ZFAND5: variants seen among roughly 807,000 people sequenced by gnomAD.
ZFAND5 encodes the protein zinc finger AN1-type containing 5.
Under a neutral mutation model 23.6 loss-of-function variants are expected in ZFAND5, and 4 were observed. The observed-to-expected ratio is 0.17, with a 90% CI of 0.08 to 0.39. The LOEUF (loss-of-function observed/expected upper bound fraction) is 0.39. Ranked by LOEUF, ZFAND5 falls within the 10% of genes least tolerant of loss-of-function variation. ZFAND5 has a pLI of 1.00. For synonymous variants in ZFAND5, 68 were observed against 80.6 expected (o/e 0.84, Z 0.84); for missense variants, 161 against 253.7 (o/e 0.63, Z 2.48).
rs1484729659 is a variant in ZFAND5, at chr9:72,364,621, C to T, written c.-147+75G>A. On this transcript the variant is annotated intron_variant, in intron 1 of 6. Transcript: ENST00000376962. ...CCGGCTTCGCCATTGGCCCGCGGCG[C>T]CCCGGTCCCTTCACTCCCGCCCCCG... 12 of 1,194,600 alleles carry T rather than the reference C, an allele frequency of 1.0e-5. No individual in the cohort carries two copies. In the African/African-American group the frequency reaches 1.0e-4, roughly 10 times the overall value. 74.0% of individuals were successfully genotyped at this position (1,194,600 alleles called of 1,614,324 possible). A position where few individuals can be genotyped will look rare whatever the true frequency, so the allele number is the denominator to read the frequency against.
In ZFAND5 at chr9:72,359,513, G is replaced by T. The variant is rs1182630382; in HGVS notation, c.272C>A (p.Pro91His). 1 of 1,613,426 alleles carries T rather than the reference G, an allele frequency of 6.2e-7. No homozygotes were observed. The highest frequency in any genetic ancestry group is 1.3e-5 in the African/African-American group (1 of 74,998). ...GSTSEKSRNV[P>H]VAALPVTQQM... is the part of the protein sequence containing the mutation. ...CTGAGTTACAGGCAAGGCAGCCACA[G>T]GCACATTTCTATTTGAGTTCAAGCA... Residue 91 changes from proline to histidine, a missense_variant, in exon 5 of 7, where the codon CCT becomes CAT. Physicochemically the swap from Pro to His is moderately conservative, Grantham distance 77. Coordinates refer to ENST00000376962, the MANE Select transcript of ZFAND5 (RefSeq NM_001102420.3).
At chr9:72,362,590 T>C (rs886488314) in intron 2 of ZFAND5, among the ~76,000 whole-genome samples, 1 of 152,224 alleles carries the variant, frequency 6.6e-6, no homozygotes, top group South Asian at 2.1e-4. Context: ...TTTCACACAC[T>C]CAGAGATAAC....
At chr9:72,364,358 CT>C in intron 1 of ZFAND5, 1 of 1,141,698 alleles carries the variant, frequency 8.8e-7, no homozygotes, top group Non-Finnish European at 1.1e-6. Flanking sequence ...GCCTCGGCCT[CT>C]TTGTTTCTCT....
At chr9:72,364,437 G>A (rs369018336) in intron 1 of ZFAND5, 3 of 1,266,738 alleles carry the variant, frequency 2.4e-6, no homozygotes, top group African/African-American at 1.6e-5. Context: ...CCGCAGAGGC[G>A]GCACGCCGTG....
chr9:72,364,419 G>A (rs778644548), intron 1 of ZFAND5: 3 of 1,254,830 alleles, frequency 2.4e-6, no homozygotes, highest in South Asian at 1.3e-5. Flanking sequence ...GCGGCCTAGA[G>A]GCCGGCCCCG....
At chr9:72,359,279 ATAG>A (rs1227098240) in intron 5 of ZFAND5, 136 bp downstream of exon 5, 4 of 698,212 alleles carry the variant, frequency 5.7e-6, no homozygotes, top group Non-Finnish European at 7.1e-6. Context: ...ACTTTTAAAG[ATAG>A]TAGTTCTTTG....
At position 72,354,767 on chromosome 9, in the gene ZFAND5, C is replaced by T. The variant is rs1841889799; in HGVS notation, c.*1186G>A. The T allele has an allele frequency of 6.6e-6, 1 of 152,580 alleles. No homozygotes were observed. The highest frequency in any genetic ancestry group is 1.5e-5 in the Non-Finnish European group (1 of 68,024). The allele number at this position is 152,580 out of a possible 1,614,324, so 9.5% of individuals were successfully genotyped here. Reference sequence around the variant, plus strand: ...TATAAAAAACACAAGTTTCATACATCACAAAAAACCTTCCATTATAACACA... The same window carrying T: ...TATAAAAAACACAAGTTTCATACATTACAAAAAACCTTCCATTATAACACA... On this transcript the variant is annotated 3_prime_UTR_variant, in exon 7 of 7. Coordinates refer to ENST00000376962, the MANE Select transcript of ZFAND5 (RefSeq NM_001102420.3).
intron 1 of ZFAND5, chr9:72,364,348 G>C: frequency 1.8e-6 from 2 of 1,114,494 alleles, no homozygotes; most frequent in Non-Finnish European, 2.2e-6. Flanking sequence ...CGCGGCCGCC[G>C]CCTCGGCCTC....
intron 5 of ZFAND5, among the ~76,000 whole-genome samples, chr9:72,358,334 T>A (rs2131977448): frequency 6.6e-6 from 1 of 152,118 alleles, no homozygotes; most frequent in African/African-American, 2.4e-5. Flanking sequence ...GTCAGCCATT[T>A]CTTTGGCCAC....
chr9:72,360,843 A>G (rs1842075350), intron 2 of ZFAND5, 56 bp from the exon 3 acceptor site: 1 of 1,507,120 alleles, frequency 6.6e-7, no homozygotes, highest in South Asian at 1.3e-5. Context: ...ATAGTCTAAT[A>G]TAATCATCGG....
intron 2 of ZFAND5, among the ~76,000 whole-genome samples, chr9:72,362,231 G>C (rs934989755): frequency 9.2e-5 from 14 of 152,196 alleles, no homozygotes; most frequent in African/African-American, 3.4e-4. Flanking sequence ...GAGCAGGGTA[G>C]TGTAAACATT....
intron 6 of ZFAND5, among the ~76,000 whole-genome samples, 192 bp from the exon 7 acceptor site, chr9:72,356,293 G>A (rs1360007849): frequency 6.6e-6 from 1 of 152,186 alleles, no homozygotes; most frequent in East Asian, 1.9e-4. Context: ...ACCTGGAAAA[G>A]GAACTTTTAA....
At chr9:72,360,007 G>C in intron 4 of ZFAND5, 103 bp downstream of exon 4, 1 of 939,088 alleles carries the variant, frequency 1.1e-6, no homozygotes, top group Non-Finnish European at 1.6e-6. Context: ...TGAAATCCTC[G>C]ATTGCAAAGC....
Position 72,360,091 on chromosome 9 carries a change from C to CT in ZFAND5, c.263+18dup. 2 of 1,596,230 alleles carry CT rather than the reference C, an allele frequency of 1.3e-6. No homozygotes were observed. Among genetic ancestry groups the CT allele is most frequent in the Middle Eastern group, 2.2e-4 (1 of 4,520 alleles). The stretch of plus-strand genomic sequence containing the variant: ...TCTTCTTTGTAATATCATAAAAACT[C>CT]TGAAACGTTCAATCTTACCTTGATT... On this transcript the variant is annotated intron_variant, in intron 4 of 6. Transcript: ENST00000376962.
chr9:72,361,839 A>G (rs1400881274), intron 2 of ZFAND5, among the ~76,000 whole-genome samples: 1 of 152,262 alleles, frequency 6.6e-6, no homozygotes, highest in African/African-American at 2.4e-5. Context: ...ATGTATAAGC[A>G]TATGTACAAA....
intron 5 of ZFAND5, among the ~76,000 whole-genome samples, chr9:72,357,490 T>C (rs1209589948): frequency 2.0e-5 from 3 of 152,136 alleles, no homozygotes; most frequent in Non-Finnish European, 4.4e-5. Context: ...TTTGATTTTA[T>C]GCTTATAGGA....
chr9:72,356,864 G>C (rs1438868192), intron 6 of ZFAND5, 67 bp downstream of exon 6: 2 of 1,585,470 alleles, frequency 1.3e-6, no homozygotes, highest in East Asian at 2.2e-5. Context: ...TAGTCTCTTA[G>C]GGAGTGACCA....
rs1356970137 is a variant in ZFAND5 at position 72,353,363 on chromosome 9, A to G, written c.*2590T>C. The G allele has an allele frequency of 1.3e-5, 2 of 151,622 alleles. No homozygotes were observed. Among genetic ancestry groups the G allele is most frequent in the African/African-American group, 4.8e-5 (2 of 41,328 alleles). 9.4% of individuals were successfully genotyped at this position (151,622 alleles called of 1,614,324 possible). A position where few individuals can be genotyped will look rare whatever the true frequency, so the allele number is the denominator to read the frequency against. ...TGGTTTAATGTTTCTTGTAAAACAA[A>G]CAAACAAAAAAAAAACAAAAAAAAC... is the stretch of plus-strand genomic sequence containing the variant. On this transcript the variant is annotated 3_prime_UTR_variant, in exon 7 of 7. Transcript: ENST00000376962.
At chr9:72,362,180 G>A (rs1365377909) in intron 2 of ZFAND5, among the ~76,000 whole-genome samples, 1 of 152,198 alleles carries the variant, frequency 6.6e-6, no homozygotes, top group African/African-American at 2.4e-5. Context: ...AGTTGACACT[G>A]TCTCTTTAAA....
Sources: gnomAD v4.1 joint callset for allele counts (sites outside exome capture counted in the v4.1 genomes callset) on GRCh38, gnomAD v4.1.1 for gene constraint, MANE v1.5 for transcripts, NCBI Gene and HGNC (gene_info 2026-07-23, HGNC 2026-07-21) for gene names.